The following RHBDD1 variants were observed in gnomAD, a reference collection of about 807,000 sequenced individuals.
The protein encoded by RHBDD1 is rhomboid-related protein 4.
Under a neutral mutation model 36.3 loss-of-function variants are expected in RHBDD1, and 38 were observed. The observed-to-expected ratio is 1.05, with a 90% confidence interval of 0.81 to 1.37. The LOEUF is 1.37. Ranked by LOEUF, RHBDD1 falls within the 40% of genes most tolerant of loss-of-function variation. RHBDD1 has a pLI of 0.00. For synonymous variants in RHBDD1, 151 were observed against 136.5 expected (o/e 1.11, Z -0.74); for missense variants, 393 against 377.6 (o/e 1.04, Z -0.34).
rs116185081 is a variant in RHBDD1, at chr2:226,878,564, G to A, written c.566+11246G>A. 5.6e-3 allele frequency among the ~76,000 whole-genome samples: 858 copies of A among 152,266 alleles called. 10 individuals are homozygous for A. The highest frequency in any genetic ancestry group is 0.02 in the African/African-American group (811 of 41,540). Reference sequence around the variant, plus strand: ...CATGTCAAAAGCATACAGCTTTCCCGATGTCACCAGGCTGTGAGGAAGAGG... The same window carrying A: ...CATGTCAAAAGCATACAGCTTTCCCAATGTCACCAGGCTGTGAGGAAGAGG... On this transcript the variant is annotated intron_variant, in intron 5 of 8. Coordinates refer to ENST00000392062, the MANE Select transcript of RHBDD1 (RefSeq NM_001167608.3).
At chr2:226,852,447 C>T (rs898184308) in intron 3 of RHBDD1, among the ~76,000 whole-genome samples, 6 of 152,000 alleles carry the variant, frequency 3.9e-5, no homozygotes, top group African/African-American at 1.4e-4. Flanking sequence ...AGAGTGGACC[C>T]CTCATGAATT....
rs1223009345 is a variant in RHBDD1, at chr2:226,997,011, C to G, written c.*1489C>G. 1 of 152,160 alleles carries G rather than the reference C, an allele frequency of 6.6e-6. No individual in the cohort carries two copies. The highest frequency in any genetic ancestry group is 1.5e-5 in the Non-Finnish European group (1 of 68,042). The allele number at this position is 152,160 out of a possible 1,614,324, so 9.4% of individuals were successfully genotyped here. ...TTATCAATTTTTCCGTTGATACATT[C>G]AGCAAATTTGGAGCACATTGACCAT... is the stretch of plus-strand genomic sequence containing the variant. On this transcript the variant is annotated 3_prime_UTR_variant, in exon 9 of 9. Coordinates refer to ENST00000392062, the MANE Select transcript of RHBDD1 (RefSeq NM_001167608.3).
chr2:226,860,318 T>G (rs1374164824), intron 3 of RHBDD1, among the ~76,000 whole-genome samples: 1 of 152,074 alleles, frequency 6.6e-6, no homozygotes, highest in Non-Finnish European at 1.5e-5. Context: ...GGATACAAGT[T>G]AGAATAATAC....
the RHBDD1 span, among the ~76,000 whole-genome samples, chr2:226,823,191 G>A: frequency 2.0e-5 from 3 of 152,204 alleles, no homozygotes; most frequent in Non-Finnish European, 2.9e-5. Context: ...TGAGGATGCA[G>A]GAAGGAGTCA....
At chr2:226,978,342 C>A (rs948210471) in intron 8 of RHBDD1, among the ~76,000 whole-genome samples, 2 of 152,094 alleles carry the variant, frequency 1.3e-5, no homozygotes, top group Non-Finnish European at 2.9e-5. Context: ...TTTTGCCAAG[C>A]CACTAGTTGG....
intron 3 of RHBDD1, among the ~76,000 whole-genome samples, chr2:226,854,991 C>A (rs1281244926): frequency 6.6e-6 from 1 of 152,194 alleles, no homozygotes; most frequent in African/African-American, 2.4e-5. Context: ...CTAGAACATT[C>A]TTCATATGTC....
At chr2:226,880,989 G>A (rs1178597914) in intron 5 of RHBDD1, among the ~76,000 whole-genome samples, 2 of 152,162 alleles carry the variant, frequency 1.3e-5, no homozygotes, top group African/African-American at 4.8e-5. Context: ...TCAAGACTGG[G>A]TAGTTTATAA....
chr2:226,898,294 A>G (rs1947297371), intron 5 of RHBDD1, among the ~76,000 whole-genome samples: 1 of 152,132 alleles, frequency 6.6e-6, no homozygotes, highest in South Asian at 2.1e-4. Context: ...ATTGCTAAAC[A>G]TTGTCTGTTA....
chr2:226,823,591 G>A, the RHBDD1 span, among the ~76,000 whole-genome samples: 1 of 151,972 alleles, frequency 6.6e-6, no homozygotes, highest in African/African-American at 2.4e-5. Flanking sequence ...TGCAGCAAAG[G>A]GGCATCTTAT....
At chr2:226,843,751 G>A (rs938929083) in intron 3 of RHBDD1, among the ~76,000 whole-genome samples, 5 of 152,138 alleles carry the variant, frequency 3.3e-5, no homozygotes, top group African/African-American at 4.8e-5. Flanking sequence ...TGTATCTCTT[G>A]CCAGGTTTTG....
intron 8 of RHBDD1, among the ~76,000 whole-genome samples, chr2:226,940,218 G>A (rs1186311772): frequency 6.6e-6 from 1 of 152,082 alleles, no homozygotes; most frequent in African/African-American, 2.4e-5. Flanking sequence ...AATACCTCAG[G>A]CAGTACCATT....
intron 3 of RHBDD1, among the ~76,000 whole-genome samples, chr2:226,859,699 T>C (rs2125168440): frequency 6.6e-6 from 1 of 152,294 alleles, no homozygotes; most frequent in Middle Eastern, 3.4e-3. Context: ...GACTGGAGCA[T>C]AGTGACTGAT....
intron 8 of RHBDD1, among the ~76,000 whole-genome samples, chr2:226,967,000 C>T (rs1363306864): frequency 5.3e-5 from 8 of 152,068 alleles, no homozygotes; most frequent in African/African-American, 1.4e-4. Context: ...AGAACCATTG[C>T]TGGGTCCCAC....
At chr2:226,912,361 CAAAAG>C (rs1341721497) in intron 7 of RHBDD1, among the ~76,000 whole-genome samples, 1 of 152,042 alleles carries the variant, frequency 6.6e-6, no homozygotes, top group East Asian at 1.9e-4. Flanking sequence ...GGTATATACT[CAAAAG>C]AAATGAAACC....
intron 8 of RHBDD1, among the ~76,000 whole-genome samples, chr2:226,936,521 T>C (rs1217694562): frequency 6.6e-6 from 1 of 152,112 alleles, no homozygotes; most frequent in African/African-American, 2.4e-5. Flanking sequence ...CCTACCCCCA[T>C]AATAATCATT....
intron 6 of RHBDD1, 84 bp downstream of exon 6, chr2:226,906,965 C>T (rs1007292842): frequency 1.4e-6 from 2 of 1,427,002 alleles, no homozygotes; most frequent in African/African-American, 2.8e-5. Context: ...CCCAAGTTTC[C>T]CTGTGGTTCA....
At chr2:226,838,495 T>C (rs1941250911) in intron 2 of RHBDD1, among the ~76,000 whole-genome samples, 2 of 152,214 alleles carry the variant, frequency 1.3e-5, no homozygotes, top group African/African-American at 4.8e-5. Flanking sequence ...CCCACTTGAA[T>C]TTCTGTAAAG....
chr2:226,926,473 A>G (rs947621444), intron 8 of RHBDD1, among the ~76,000 whole-genome samples: 1 of 152,204 alleles, frequency 6.6e-6, no homozygotes, highest in Non-Finnish European at 1.5e-5. Context: ...CACCAGTCTC[A>G]TTGAATGGTA....
At chr2:226,984,005 A>G (rs991831222) in intron 8 of RHBDD1, among the ~76,000 whole-genome samples, 1 of 152,238 alleles carries the variant, frequency 6.6e-6, no homozygotes, top group South Asian at 2.1e-4. Flanking sequence ...AGGGTGAGCC[A>G]TGCAGCTGGC....
Sources: gnomAD v4.1 joint callset for allele counts (sites outside exome capture counted in the v4.1 genomes callset) on GRCh38, gnomAD v4.1.1 for gene constraint, MANE v1.5 for transcripts, NCBI Gene and HGNC (gene_info 2026-07-23, HGNC 2026-07-21) for gene names.